The following DNAJC7 variants were observed in gnomAD, a reference collection of about 807,000 sequenced individuals.
DNAJC7 encodes DnaJ heat shock protein family (Hsp40) member C7, also known as dnaJ homolog subfamily C member 7.
In DNAJC7, 18 loss-of-function variants were observed where a neutral mutation model predicts 67.4. That is an observed-to-expected ratio of 0.27 (90% CI 0.18 to 0.40). DNAJC7 has a LOEUF of 0.40. DNAJC7 is among the 10% of genes least tolerant of loss of function. The pLI is 1.00. For missense variants in DNAJC7, 419 were observed against 613.8 expected, an observed-to-expected ratio of 0.68 and a Z score of 3.35; for synonymous variants, 220 against 207.8, an observed-to-expected ratio of 1.06 and a Z score of -0.50.
chr17:42,002,764 T>C (rs1416176235), intron 1 of DNAJC7, among the ~76,000 whole-genome samples: 1 of 152,178 alleles, frequency 6.6e-6, no homozygotes, highest in Non-Finnish European at 1.5e-5. Context: ...AATTAGTCTG[T>C]ACTACGAGGA....
chr17:42,010,483 A>G (rs2052088227), intron 1 of DNAJC7, among the ~76,000 whole-genome samples: 1 of 151,860 alleles, frequency 6.6e-6, no homozygotes, highest in Non-Finnish European at 1.5e-5. Flanking sequence ...CAAGAATGAA[A>G]CTCTGTCTCA....
intron 13 of DNAJC7, 81 bp from the exon 14 acceptor site, chr17:41,976,851 C>T: frequency 6.5e-7 from 1 of 1,542,106 alleles, no homozygotes. Context: ...GAAAAGTCTT[C>T]AAGGGCTGCT....
At chr17:42,008,953 G>A (rs1043223714) in intron 1 of DNAJC7, among the ~76,000 whole-genome samples, 1 of 152,098 alleles carries the variant, frequency 6.6e-6, no homozygotes, top group African/African-American at 2.4e-5. Flanking sequence ...CAAGTGATCC[G>A]CCAATCTCTG....
rs1045343880 is a variant in DNAJC7, at chr17:41,988,790, G to C, written c.860C>G (p.Pro287Arg). 2 of 1,612,856 alleles carry C rather than the reference G, an allele frequency of 1.2e-6. No individual in the cohort carries two copies. The highest frequency in any genetic ancestry group is 1.7e-6 in the Non-Finnish European group (2 of 1,179,460). The change falls in exon 8 of 14, where the codon CCC becomes CGC. Residue 287 changes from proline (P) to arginine (R), a missense_variant. Around this residue, in one of 4 missense-constraint regions of DNAJC7, gnomAD observed 161 missense variants for 252.2 expected, o/e 0.64. Transcript: ENST00000457167. ...TTTAGCATTTGTTTTTATATTGTTG[G>C]GGTCTATCCCCAGGGCTTCTGTGTA... ...ELYTEALGID[P>R]NNIKTNAKLY...
intron 12 of DNAJC7, among the ~76,000 whole-genome samples, chr17:41,981,065 T>C (rs1163815050): frequency 6.6e-6 from 1 of 152,060 alleles, no homozygotes; most frequent in African/African-American, 2.4e-5. Context: ...GGATGGAGTC[T>C]CACTCTGTTG....
In DNAJC7 at chr17:41,976,683, A is replaced by T. The variant is rs1555644876; in HGVS notation, c.*50T>A. The T allele has an allele frequency of 1.9e-6, 3 of 1,601,538 alleles. No homozygotes were observed. The Admixed American group carries it at 5.3e-5, about 28-fold the overall frequency. On this transcript the variant is annotated 3_prime_UTR_variant, in exon 14 of 14. Transcript: ENST00000457167. ...GAGGTGAACTGTTTCCACATTCAAG[A>T]TTAAACTGAGTGAATCTGCATTTTC...
chr17:41,997,607 CAAACAAAT>C (rs1266707708), intron 2 of DNAJC7, among the ~76,000 whole-genome samples: 1 of 151,942 alleles, frequency 6.6e-6, no homozygotes, highest in Non-Finnish European at 1.5e-5. Context: ...AAAAAACAAA[CAAACAAAT>C]AAACAAAAAC....
rs1379991866 is a variant in DNAJC7, at chr17:41,996,317, T to C, written c.399A>G (p.Gln133=). The change falls in exon 4 of 14, where the codon CAA becomes CAG. Residue 133 remains glutamine (Q), a synonymous_variant. Transcript: ENST00000457167. The stretch of plus-strand genomic sequence containing the variant: ...AACAGGATCAGACCCGTACCTCTTG[T>C]TGTGCCTGAGCATTTTTATGATCCA... ...LELDHKNAQA[Q]QEFKNANAVM... is the part of the protein sequence containing the mutation. 5.0e-6 allele frequency: 8 copies of C among 1,613,510 alleles called. No homozygotes were observed. In the Admixed American group the frequency reaches 1.0e-4, roughly 20 times the overall value.
intron 1 of DNAJC7, among the ~76,000 whole-genome samples, chr17:42,012,240 T>G (rs2052138808): frequency 6.6e-6 from 1 of 152,194 alleles, no homozygotes; most frequent in African/African-American, 2.4e-5. Flanking sequence ...ATCCCAGCAC[T>G]TTGGGAGGAC....
intron 1 of DNAJC7, among the ~76,000 whole-genome samples, chr17:42,001,708 A>C (rs2051812227): frequency 6.6e-6 from 1 of 152,192 alleles, no homozygotes; most frequent in South Asian, 2.1e-4. Flanking sequence ...AACCTTGGTG[A>C]TGGTACAGCA....
At chr17:41,992,226 G>C (rs1010693590) in intron 5 of DNAJC7, among the ~76,000 whole-genome samples, 3 of 151,934 alleles carry the variant, frequency 2.0e-5, no homozygotes, top group Non-Finnish European at 4.4e-5. Context: ...AGGCTGCAGT[G>C]CAATGGCATG....
rs782149692 is a variant in DNAJC7 at position 41,977,456 on chromosome 17, C to A, written c.1385-133G>T. 6.4e-6 allele frequency: 5 copies of A among 777,956 alleles called. No individual in the cohort carries two copies. In the African/African-American group the frequency reaches 7.0e-5, roughly 11 times the overall value. 48.2% of individuals were successfully genotyped at this position (777,956 alleles called of 1,614,324 possible). A position where few individuals can be genotyped will look rare whatever the true frequency, so the allele number is the denominator to read the frequency against. On this transcript the variant is annotated intron_variant, in intron 12 of 13. Coordinates refer to ENST00000457167, the MANE Select transcript of DNAJC7 (RefSeq NM_003315.4). Reference sequence around the variant, plus strand: ...GTCTCACTCCCCTCCTTTCCCAACACTTCAGACTGCAAGTGAGCAAACCTG... The same window carrying A: ...GTCTCACTCCCCTCCTTTCCCAACAATTCAGACTGCAAGTGAGCAAACCTG...
At position 42,000,210 on chromosome 17, in the gene DNAJC7, C is replaced by T. The variant is rs140788664; in HGVS notation, c.166+272G>A. On this transcript the variant is annotated intron_variant, in intron 2 of 13. Transcript: ENST00000457167. The stretch of plus-strand genomic sequence containing the variant: ...CTTGGCTCATTGCAACCTCTACCTC[C>T]CGAGTTCAGGCAATTCTCCTGCCTC... Among the ~76,000 whole-genome samples the T allele has an allele frequency of 5.6e-3, 845 of 150,176 alleles. 6 individuals are homozygous for T. The highest frequency in any genetic ancestry group is 0.02 in the African/African-American group (803 of 40,734).
In DNAJC7 at chr17:42,006,796, C is replaced by CAAAAAAAAAAAAAAA. The variant is rs57155070; in HGVS notation, c.78-6241_78-6227dup. On this transcript the variant is annotated intron_variant, in intron 1 of 13. Coordinates refer to ENST00000457167, the MANE Select transcript of DNAJC7 (RefSeq NM_003315.4). ...TGGGCAACAGAGCAAGACTCCGTCT[C>CAAAAAAAAAAAAAAA]AAAAAAAAAAAAAAAAAAAAAAGTC... Among the ~76,000 whole-genome samples the CAAAAAAAAAAAAAAA allele has an allele frequency of 7.0e-3, 163 of 23,328 alleles. 67 individuals are homozygous for CAAAAAAAAAAAAAAA. The highest frequency in any genetic ancestry group is 8.1e-3 in the Non-Finnish European group (121 of 14,906). 15.3% of individuals were successfully genotyped at this position (23,328 alleles called of 152,430 possible). A position where few individuals can be genotyped will look rare whatever the true frequency, so the allele number is the denominator to read the frequency against.
At chr17:41,977,381 C>G (rs1321829993) in intron 12 of DNAJC7, 58 bp from the exon 13 acceptor site, 3 of 1,445,894 alleles carry the variant, frequency 2.1e-6, no homozygotes, top group Non-Finnish European at 2.9e-6. Context: ...TAGAAATGTT[C>G]GAAGAGAACT....
chr17:41,998,578 G>GATT (rs2051721753), intron 2 of DNAJC7, among the ~76,000 whole-genome samples: 1 of 152,304 alleles, frequency 6.6e-6, no homozygotes, highest in East Asian at 1.9e-4. Flanking sequence ...GAAGTGTAGT[G>GATT]ATTATCTTTT....
intron 2 of DNAJC7, 95 bp downstream of exon 2, chr17:42,000,387 G>C: frequency 1.1e-6 from 1 of 921,532 alleles, no homozygotes; most frequent in Non-Finnish European, 1.6e-6. Context: ...CCAAAGTGCT[G>C]GGATTACAGG....
chr17:42,013,960 ATTTT>A (rs113714206), intron 1 of DNAJC7: 3 of 149,610 alleles, frequency 2.0e-5, no homozygotes, highest in African/African-American at 7.4e-5. Context: ...TGCCTGGCTA[ATTTT>A]TTTTTTCTAT....
At chr17:42,001,662 G>A (rs1351949871) in intron 1 of DNAJC7, among the ~76,000 whole-genome samples, 1 of 152,136 alleles carries the variant, frequency 6.6e-6, no homozygotes, top group Non-Finnish European at 1.5e-5. Flanking sequence ...CCTAGTTCGG[G>A]GTTGCCTGAA....
Sources: gnomAD v4.1 joint callset for allele counts (sites outside exome capture counted in the v4.1 genomes callset) on GRCh38, gnomAD v4.1.1 for gene constraint, gnomAD v4.1.1 regional missense constraint, MANE v1.5 for transcripts, NCBI Gene and HGNC (gene_info 2026-07-23, HGNC 2026-07-21) for gene names.